Variants in PPT1 observed in about 807,000 individuals in gnomAD.
The protein encoded by PPT1 is palmitoyl-protein thioesterase 1, also known as ceroid-palmitoyl-palmitoyl-protein thioesterase 1.
PPT1 carries 24 observed loss-of-function variants against 44.0 expected under a neutral mutation model. The ratio of observed to expected loss-of-function variants is 0.54; its 90% CI spans 0.39 to 0.77. The LOEUF is 0.77. Among genes scored for constraint, PPT1 ranks in the 30% least tolerant of loss-of-function variants. PPT1 has a pLI of 0.00. For missense variants in PPT1, 341 were observed against 378.8 expected (o/e 0.90, Z 0.83); for synonymous variants, 148 against 140.2 (o/e 1.06, Z -0.39).
rs566934038 is a variant in PPT1 at position 40,073,862 on chromosome 1, C to T, written c.*199G>A. On this transcript the variant is annotated 3_prime_UTR_variant, in exon 9 of 9. Coordinates refer to ENST00000642050, the MANE Select transcript of PPT1 (RefSeq NM_000310.4). Reference sequence around the variant, plus strand: ...ACAATCTCCATGGTAATTAAACTTGCATTCAACACCATATGGTAACAGAAG... The same window carrying T: ...ACAATCTCCATGGTAATTAAACTTGTATTCAACACCATATGGTAACAGAAG... The T allele has an allele frequency of 6.8e-6, 5 of 734,246 alleles. No homozygotes were observed. The African/African-American group carries it at 7.0e-5, about 10-fold the overall frequency. The allele number at this position is 734,246 out of a possible 1,614,324, so 45.5% of individuals were successfully genotyped here. A position where few individuals can be genotyped will look rare whatever the true frequency, so the allele number is the denominator to read the frequency against.
chr1:40,080,603 C>G, intron 5 of PPT1, 116 bp from the exon 6 acceptor site: 1 of 931,660 alleles, frequency 1.1e-6, no homozygotes, highest in Non-Finnish European at 1.7e-6. Flanking sequence ...CAGCCAGGCA[C>G]AGTGGCTCAC....
intron 3 of PPT1, among the ~76,000 whole-genome samples, chr1:40,091,743 T>C (rs1025887586): frequency 6.6e-6 from 1 of 151,780 alleles, no homozygotes; most frequent in African/African-American, 2.4e-5. Context: ...TGAGCACCTA[T>C]AGTCCCAGCT....
chr1:40,082,795 T>C (rs1649035050), intron 5 of PPT1, among the ~76,000 whole-genome samples: 1 of 152,224 alleles, frequency 6.6e-6, no homozygotes, highest in African/African-American at 2.4e-5. Flanking sequence ...TTAATGAAGG[T>C]GGCGACCATA....
intron 1 of PPT1, among the ~76,000 whole-genome samples, chr1:40,094,182 T>A (rs1402871977): frequency 6.6e-6 from 1 of 152,150 alleles, no homozygotes; most frequent in Admixed American, 6.5e-5. Flanking sequence ...GTGAGGCAAA[T>A]TAAGCATCTA....
chr1:40,078,903 T>C (rs1648779469), intron 6 of PPT1: 1 of 460,228 alleles, frequency 2.2e-6, no homozygotes, highest in Non-Finnish European at 4.1e-6. Context: ...TATAAGGGTA[T>C]ATTGTGTGAT....
chr1:40,076,108 C>T (rs1272346218), intron 8 of PPT1, among the ~76,000 whole-genome samples: 3 of 151,978 alleles, frequency 2.0e-5, no homozygotes, highest in Non-Finnish European at 4.4e-5. Context: ...CAACCTCCTG[C>T]AGGAGCCTCC....
chr1:40,086,148 T>A (rs1649247921), intron 5 of PPT1, among the ~76,000 whole-genome samples: 1 of 152,190 alleles, frequency 6.6e-6, no homozygotes, highest in Non-Finnish European at 1.5e-5. Flanking sequence ...TAGCTTCCTC[T>A]GAGCTGGTAC....
chr1:40,087,340 G>A (rs3122436), intron 5 of PPT1, among the ~76,000 whole-genome samples: 76,693 of 151,376 alleles, frequency 0.51, 21,033 homozygotes, highest in Non-Finnish European at 0.62. Flanking sequence ...CCTTCTGGGT[G>A]CAAGCAATTC....
Position 40,084,199 on chromosome 1 carries a change from T to C in PPT1, c.537-3712A>G, listed in dbSNP as rs563273619. On this transcript the variant is annotated intron_variant, in intron 5 of 8. Coordinates refer to ENST00000642050, the MANE Select transcript of PPT1 (RefSeq NM_000310.4). ...AAGGAAGTAACTGCAGATGTGGAAA[T>C]AGCAGGAGAACTAGAATTAGAAGTG... Among the ~76,000 whole-genome samples, 114 of 152,248 alleles carry C rather than the reference T, an allele frequency of 7.5e-4. 1 individual carries two copies. In the South Asian group the frequency reaches 0.023, roughly 31 times the overall value.
At chr1:40,083,462 AT>A (rs1032063314) in intron 5 of PPT1, among the ~76,000 whole-genome samples, 223 of 151,972 alleles carry the variant, frequency 1.5e-3, no homozygotes, top group African/African-American at 5.3e-3. Flanking sequence ...CTCAAAAACT[AT>A]TTTTTTTAAT....
At chr1:40,093,529 A>G (rs1468516245) in intron 1 of PPT1, among the ~76,000 whole-genome samples, 2 of 152,170 alleles carry the variant, frequency 1.3e-5, no homozygotes, top group African/African-American at 4.8e-5. Context: ...CCTCAATTTT[A>G]AAAAACAGAA....
intron 1 of PPT1, among the ~76,000 whole-genome samples, chr1:40,093,093 T>G (rs546302650): frequency 1.3e-5 from 2 of 152,296 alleles, no homozygotes; most frequent in Non-Finnish European, 2.9e-5. Flanking sequence ...AGCAGCAGTG[T>G]TTGTAATAGT....
At chr1:40,096,274 A>C (rs1405155460) in intron 1 of PPT1, among the ~76,000 whole-genome samples, 2 of 152,132 alleles carry the variant, frequency 1.3e-5, no homozygotes, top group African/African-American at 4.8e-5. Context: ...GTTATGTTTT[A>C]CTTGTTAATT....
chr1:40,084,073 T>C (rs1291351728), intron 5 of PPT1, among the ~76,000 whole-genome samples: 1 of 151,902 alleles, frequency 6.6e-6, no homozygotes, highest in African/African-American at 2.4e-5. Flanking sequence ...AAACAAAAAT[T>C]CATGATTCAC....
At chr1:40,089,156 G>A (rs781701553) in intron 5 of PPT1, among the ~76,000 whole-genome samples, 2 of 151,836 alleles carry the variant, frequency 1.3e-5, no homozygotes, top group Non-Finnish European at 2.9e-5. Context: ...GCGTAGTGGC[G>A]CATGCCTGTA....
chr1:40,078,445 A>AC, intron 7 of PPT1, 115 bp downstream of exon 7: 2 of 1,020,498 alleles, frequency 2.0e-6, no homozygotes, highest in Admixed American at 1.8e-5. Context: ...CAGGTGATCC[A>AC]CCCGCCTTGG....
At chr1:40,095,315 T>C (rs568364064) in intron 1 of PPT1, among the ~76,000 whole-genome samples, 1 of 152,206 alleles carries the variant, frequency 6.6e-6, no homozygotes, top group Admixed American at 6.5e-5. Context: ...CCAAATGGAA[T>C]GGAGTGCCTC....
At chr1:40,091,950 G>C (rs1649586333) in intron 3 of PPT1, 95 bp downstream of exon 3, 10 of 1,463,970 alleles carry the variant, frequency 6.8e-6, no homozygotes, top group Non-Finnish European at 9.5e-6. Context: ...TCCAAGATAG[G>C]TGACAATCTT....
At position 40,076,983 on chromosome 1, in the gene PPT1, T is replaced by C. The variant is rs41303427; in HGVS notation, c.727-70A>G. ...ACATACTGCCAAAATAATTTGAGAC[T>C]GGTTAGAAGCTAAAACTGCCAACAA... is the stretch of plus-strand genomic sequence containing the variant. On this transcript the variant is annotated intron_variant, in intron 7 of 8. Transcript: ENST00000642050. 4,446 of 1,565,866 alleles carry C rather than the reference T, an allele frequency of 2.8e-3. 15 individuals are homozygous for C. Among genetic ancestry groups the C allele is most frequent in the Admixed American group, 3.6e-3 (215 of 59,858 alleles).
Sources: gnomAD v4.1 joint callset for allele counts (sites outside exome capture counted in the v4.1 genomes callset) on GRCh38, gnomAD v4.1.1 for gene constraint, MANE v1.5 for transcripts, NCBI Gene and HGNC (gene_info 2026-07-23, HGNC 2026-07-21) for gene names.